The following EEF1E1 variants were observed in gnomAD, a reference collection of about 807,000 sequenced individuals.
The protein encoded by EEF1E1 is eukaryotic translation elongation factor 1 epsilon 1, also known as eukaryotic translation elongation factor 1 epsilon-1.
A neutral mutation model predicts 19.9 loss-of-function variants in EEF1E1; 19 were observed. The observed-to-expected ratio is 0.95, with a 90% CI of 0.66 to 1.40. The LOEUF is 1.40. Ranked by LOEUF, EEF1E1 falls within the 40% of genes most tolerant of loss-of-function variation. EEF1E1 has a pLI of 0.00. For missense variants in EEF1E1, 198 were observed against 202.2 expected (o/e 0.98, Z 0.13); for synonymous variants, 81 against 80.0 (o/e 1.01, Z -0.07).
rs1561645196 is a variant in EEF1E1, at chr6:8,097,476, GA to G, written c.88-10del. The G allele has an allele frequency of 3.1e-6, 5 of 1,595,950 alleles. No individual in the cohort carries two copies. The highest frequency in any genetic ancestry group is 2.6e-6 in the Non-Finnish European group (3 of 1,172,670). On this transcript the variant is annotated splice_polypyrimidine_tract_variant and intron_variant, in intron 1 of 3. Coordinates refer to ENST00000379715, the MANE Select transcript of EEF1E1 (RefSeq NM_004280.5). ...GTCTGAAGAACTGGAATCTTAAAAA[GA>G]AAAAAAAGTTCACAGAATTTAAAAA...
At chr6:8,102,028 G>T in intron 1 of EEF1E1, 2 of 1,189,858 alleles carry the variant, frequency 1.7e-6, no homozygotes, top group Non-Finnish European at 2.1e-6. Flanking sequence ...GTGCTACCTG[G>T]CACCCTGTTA....
At chr6:8,099,791 C>CACACA (rs768224090) in intron 1 of EEF1E1, among the ~76,000 whole-genome samples, 22 of 114,626 alleles carry the variant, frequency 1.9e-4, no homozygotes, top group African/African-American at 5.7e-4. Context: ...CACACACACA[C>CACACA]AAAAAAAAAA....
intron 3 of EEF1E1, among the ~76,000 whole-genome samples, chr6:8,088,786 C>T (rs2113650345): frequency 6.6e-6 from 1 of 152,216 alleles, no homozygotes; most frequent in African/African-American, 2.4e-5. Flanking sequence ...CAAGGATGCA[C>T]AATCAGGCAG....
Position 8,102,508 on chromosome 6 carries a change from G to A in EEF1E1, c.14C>T (p.Ala5Val), listed in dbSNP as rs1269195670. ...GGACTTCTCCAGTAGCGACAACTCT[G>A]CGGCCGCCGCCATCTTCCGGCCGTA... The part of the protein sequence containing the change: MAAA[A>V]ELSLLEKSLG... Residue 5 changes from alanine to valine, a missense_variant, in exon 1 of 4, where the codon GCA becomes GTA. By Grantham distance (64) the Ala-to-Val change is moderately conservative. Transcript: ENST00000379715. 4 of 1,610,948 alleles carry A rather than the reference G, an allele frequency of 2.5e-6. No homozygotes were observed. The highest frequency in any genetic ancestry group is 2.5e-6 in the Non-Finnish European group (3 of 1,179,950).
chr6:8,080,914 G>T (rs76641648), intron 3 of EEF1E1, among the ~76,000 whole-genome samples: 1 of 152,206 alleles, frequency 6.6e-6, no homozygotes, highest in African/African-American at 2.4e-5. Context: ...CAGCCTGCTT[G>T]TTGGGAGACA....
rs952251191 is a variant in EEF1E1, at chr6:8,094,018, C to T, written c.288+3249G>A. 3.9e-5 allele frequency among the ~76,000 whole-genome samples: 6 copies of T among 152,150 alleles called. No homozygotes were observed. In the East Asian group the frequency reaches 9.7e-4, roughly 25 times the overall value. On this transcript the variant is annotated intron_variant, in intron 2 of 3. Transcript: ENST00000379715. ...TCCACCATGTTGGCCAGGCTGATCTCGGACTCCTAACCTCAAGTGATCTGC... is the reference window on the plus strand; with the variant it reads ...TCCACCATGTTGGCCAGGCTGATCTTGGACTCCTAACCTCAAGTGATCTGC...
At chr6:8,076,836 G>A (rs1282639857), downstream of EEF1E1, among the ~76,000 whole-genome samples, 3 of 152,066 alleles carry the variant, frequency 2.0e-5, no homozygotes, top group Admixed American at 1.3e-4. Flanking sequence ...CTCAACAGTC[G>A]GCTTCAGTAA....
At chr6:8,078,054 G>C (rs564867486), downstream of EEF1E1, among the ~76,000 whole-genome samples, 1 of 152,180 alleles carries the variant, frequency 6.6e-6, no homozygotes, top group Non-Finnish European at 1.5e-5. Flanking sequence ...TGGGATTATA[G>C]GCATGAGCCA....
chr6:8,086,976 A>C (rs2113646703), intron 3 of EEF1E1, among the ~76,000 whole-genome samples: 1 of 152,320 alleles, frequency 6.6e-6, no homozygotes, highest in South Asian at 2.1e-4. Flanking sequence ...ACAAACACAC[A>C]CAGAGGAAGG....
intron 2 of EEF1E1, among the ~76,000 whole-genome samples, chr6:8,092,269 C>T (rs1758032246): frequency 6.6e-6 from 1 of 152,084 alleles, no homozygotes; most frequent in Non-Finnish European, 1.5e-5. Context: ...TATAGTGGTT[C>T]AGCAATCAGT....
intron 2 of EEF1E1, among the ~76,000 whole-genome samples, chr6:8,095,651 T>C (rs74698195): frequency 0.044 from 6,623 of 151,238 alleles, 448 homozygotes; most frequent in African/African-American, 0.15. Flanking sequence ...TTAATAAATA[T>C]CTGATGGCCA....
chr6:8,093,332 T>TTTTC (rs1758074760), intron 2 of EEF1E1, among the ~76,000 whole-genome samples: 1 of 151,030 alleles, frequency 6.6e-6, no homozygotes, highest in Non-Finnish European at 1.5e-5. Context: ...TCCTTTTTTT[T>TTTTC]TTTTTTTTTT....
intron 2 of EEF1E1, 38 bp downstream of exon 2, chr6:8,097,229 A>G: frequency 6.3e-7 from 1 of 1,580,418 alleles, no homozygotes; most frequent in Non-Finnish European, 8.7e-7. Context: ...TCTGATTAAC[A>G]GTTCATGCAT....
At chr6:8,093,537 T>G (rs1345291493) in intron 2 of EEF1E1, among the ~76,000 whole-genome samples, 2 of 152,124 alleles carry the variant, frequency 1.3e-5, no homozygotes, top group African/African-American at 4.8e-5. Context: ...TTTTTGAAAT[T>G]ATATACTACC....
chr6:8,090,408 C>T, intron 2 of EEF1E1, 127 bp from the exon 3 acceptor site: 1 of 679,564 alleles, frequency 1.5e-6, no homozygotes, highest in Non-Finnish European at 2.1e-6. Flanking sequence ...TAAATTTACT[C>T]TTTGACATTA....
In EEF1E1 at chr6:8,090,058, T is replaced by A. The variant is rs1166481930; in HGVS notation, c.384+128A>T. ...CAGGTTTGTTACAAAAGGCACCTTG[T>A]ATAAAGGAATTCCTTTCATTTTTAT... On this transcript the variant is annotated intron_variant, in intron 3 of 3. Transcript: ENST00000379715. 9 of 651,472 alleles carry A rather than the reference T, an allele frequency of 1.4e-5. No individual in the cohort carries two copies. In the East Asian group the frequency reaches 3.0e-4, roughly 21 times the overall value. The allele number at this position is 651,472 out of a possible 1,614,324, so 40.4% of individuals were successfully genotyped here. A position where few individuals can be genotyped will look rare whatever the true frequency, so the allele number is the denominator to read the frequency against.
At chr6:8,090,970 T>C (rs1561885165) in intron 2 of EEF1E1, among the ~76,000 whole-genome samples, 1 of 152,360 alleles carries the variant, frequency 6.6e-6, no homozygotes, top group South Asian at 2.1e-4. Flanking sequence ...TCTTGGCTAC[T>C]GTAATGCTGC....
chr6:8,076,022 G>A (rs1398167875), downstream of EEF1E1, among the ~76,000 whole-genome samples: 2 of 152,134 alleles, frequency 1.3e-5, no homozygotes, highest in Admixed American at 6.5e-5. Flanking sequence ...CGGCAATTCA[G>A]TACCATCTTC....
At chr6:8,096,422 G>C (rs1216221261) in intron 2 of EEF1E1, among the ~76,000 whole-genome samples, 1 of 152,090 alleles carries the variant, frequency 6.6e-6, no homozygotes, top group Non-Finnish European at 1.5e-5. Flanking sequence ...CATACAAAGG[G>C]CCAAGTTCTG....
Sources: gnomAD v4.1 joint callset for allele counts (sites outside exome capture counted in the v4.1 genomes callset) on GRCh38, gnomAD v4.1.1 for gene constraint, MANE v1.5 for transcripts, NCBI Gene and HGNC (gene_info 2026-07-23, HGNC 2026-07-21) for gene names.